Variants in SPTBN5 observed in about 807,000 individuals in gnomAD.
SPTBN5 encodes spectrin beta chain, non-erythrocytic 5.
Under a neutral mutation model 477.6 loss-of-function variants are expected in SPTBN5, and 513 were observed. The observed-to-expected ratio is 1.07, with a 90% CI of 1.00 to 1.16. SPTBN5 has a LOEUF of 1.16. Ranked by LOEUF, SPTBN5 falls within the 50% of genes most tolerant of loss-of-function variation. The probability of loss-of-function intolerance (pLI) is 0.00; values close to 1 mark genes in which losing one functional copy is unlikely to be tolerated. For missense variants in SPTBN5, 5,062 were observed against 4,731.8 expected (o/e 1.07, Z -2.05); for synonymous variants, 2,169 against 2,011.7 (o/e 1.08, Z -2.09).
chr15:41,849,861 T>C lies in SPTBN5; in HGVS notation c.11012+8A>G, dbSNP rs567368483. On this transcript the variant is annotated splice_region_variant and intron_variant, in intron 67 of 67. Transcript: ENST00000320955. The stretch of plus-strand genomic sequence containing the variant: ...CCCCGCCCTGCTTCCCCCACCCAGG[T>C]GTCCCACCTGAGTAGACATCCAGGC... The C allele has an allele frequency of 5.8e-6, 9 of 1,563,042 alleles. No homozygotes were observed. The African/African-American group carries it at 1.2e-4, about 21-fold the overall frequency.
In SPTBN5 at chr15:41,857,042, G is replaced by A. The variant is rs1322120472; in HGVS notation, c.8622-3C>T. 1 of 1,599,640 alleles carries A rather than the reference G, an allele frequency of 6.3e-7. No homozygotes were observed. The highest frequency in any genetic ancestry group is 1.1e-5 in the South Asian group (1 of 88,672). On this transcript the variant is annotated splice_polypyrimidine_tract_variant and splice_region_variant and intron_variant, in intron 51 of 67. Coordinates refer to ENST00000320955, the MANE Select transcript of SPTBN5 (RefSeq NM_016642.4). ...GGGGCTCCCTCAGGCTCTTGAACCT[G>A]CAGCGGTGGAGGGTGGGACCAAGGG...
At position 41,856,841 on chromosome 15, in the gene SPTBN5, G is replaced by C. The variant is rs769034353; in HGVS notation, c.8808+12C>G. ...CATGTGCGAGGCCAGCCCTCCCCGG[G>C]TGGGCCCACACCTGGTGCTGCTCCT... On this transcript the variant is annotated intron_variant, in intron 52 of 67. Coordinates refer to ENST00000320955, the MANE Select transcript of SPTBN5 (RefSeq NM_016642.4). 1.6e-4 allele frequency: 242 copies of C among 1,537,250 alleles called. No homozygotes were observed. Among genetic ancestry groups the C allele is most frequent in the South Asian group, 2.4e-4 (20 of 83,814 alleles).
At position 41,867,027 on chromosome 15, in the gene SPTBN5, C is replaced by T. The variant is rs1318265278; in HGVS notation, c.6412G>A (p.Ala2138Thr). Residue 2138 changes from alanine (A) to threonine (T), a missense_variant, in exon 36 of 68, where the codon GCG becomes ACG. Ala to Thr is a moderately conservative substitution (Grantham distance 58, BLOSUM62 0). Coordinates refer to ENST00000320955, the MANE Select transcript of SPTBN5 (RefSeq NM_016642.4). Reference protein sequence around the residue: ...LQRRMRVKELAESRGHALHAS... With the variant: ...LQRRMRVKELTESRGHALHAS... ...TGCAGGGCGTGTCCCCGGCTCTCCG[C>T]CAGCTCCTTCACTCTCATCCGGCGC... The T allele has an allele frequency of 4.5e-6, 7 of 1,555,978 alleles. No homozygotes were observed. The highest frequency in any genetic ancestry group is 6.1e-6 in the Non-Finnish European group (7 of 1,150,450).
rs776577843 is a variant in SPTBN5 at position 41,854,762 on chromosome 15, C to A, written c.9618+20G>T. On this transcript the variant is annotated intron_variant, in intron 56 of 67. Coordinates refer to ENST00000320955, the MANE Select transcript of SPTBN5 (RefSeq NM_016642.4). ...AAGACTCTGACACCCCTTAGCTTGG[C>A]CCGGCCTGTGATCACCTACCTCTGT... 2 of 1,482,996 alleles carry A rather than the reference C, an allele frequency of 1.3e-6. No individual in the cohort carries two copies. Among genetic ancestry groups the A allele is most frequent in the Middle Eastern group, 1.9e-4 (1 of 5,396 alleles). The allele number at this position is 1,482,996 out of a possible 1,614,324, so 91.9% of individuals were successfully genotyped here.
chr15:41,861,058 CCT>C (rs1207866611), intron 46 of SPTBN5, among the ~76,000 whole-genome samples: 10 of 152,254 alleles, frequency 6.6e-5, no homozygotes, highest in Non-Finnish European at 5.9e-5. Context: ...CCCCAGTTAT[CCT>C]CTGAGGTCTC....
At position 41,875,594 on chromosome 15, in the gene SPTBN5, G is replaced by A. The variant is rs763583308; in HGVS notation, c.4151C>T (p.Pro1384Leu). Reference protein sequence around the residue: ...QVGRELLSRRPCGQEDIQTRL... With the variant: ...QVGRELLSRRLCGQEDIQTRL... ...GGTCTGTATGTCCTCCTGGCCACAG[G>A]GCCTCCTACTCAACAGCTCTCTCCC... The change falls in exon 22 of 68, where the codon CCC (proline) becomes CTC (leucine). Residue 1384 changes from proline to leucine, a missense_variant. Transcript: ENST00000320955. 1.0e-5 allele frequency: 16 copies of A among 1,599,376 alleles called. No homozygotes were observed. The highest frequency in any genetic ancestry group is 1.4e-5 in the Non-Finnish European group (16 of 1,173,100).
At chr15:41,873,683 T>G in intron 25 of SPTBN5, 75 bp from the exon 26 acceptor site, 1 of 1,456,710 alleles carries the variant, frequency 6.9e-7, no homozygotes. Context: ...CATCTGCCCC[T>G]GCTCTCCAGC....
Position 41,876,599 on chromosome 15 carries a change from C to T in SPTBN5, c.3900G>A (p.Gln1300=). 1.3e-6 allele frequency: 2 copies of T among 1,594,542 alleles called. No individual in the cohort carries two copies. The highest frequency in any genetic ancestry group is 1.4e-5 in the African/African-American group (1 of 72,750). The change falls in exon 20 of 68, where the codon CAG becomes CAA. Residue 1300 remains glutamine, a synonymous_variant. Coordinates refer to ENST00000320955, the MANE Select transcript of SPTBN5 (RefSeq NM_016642.4). ...GCCTCCTCCTCTGCTCACTCCTCCC[C>T]TGGAGCCTGGTCCACTGTGCCTGGA... ...QSIQAQWTRL[Q]GRSEQRRRQL... is the part of the protein sequence containing the mutation.
Position 41,851,814 on chromosome 15 carries a change from C to G in SPTBN5, c.10621G>C (p.Glu3541Gln). The G allele has an allele frequency of 1.2e-6, 2 of 1,610,946 alleles. No homozygotes were observed. The highest frequency in any genetic ancestry group is 1.7e-6 in the Non-Finnish European group (2 of 1,179,608). Residue 3541 changes from glutamate (E) to glutamine (Q), a missense_variant, in exon 63 of 68, where the codon GAG becomes CAG. Physicochemically the swap from Glu to Gln is conservative, Grantham distance 29. Coordinates refer to ENST00000320955, the MANE Select transcript of SPTBN5 (RefSeq NM_016642.4). ...CCAGGCAGCAGGTGCTGCTTGAACT[C>G]CAAAGACCCCTCCATGGTGGGGGTA... is the stretch of plus-strand genomic sequence containing the variant. ...KGTPTMEGSLEFKQHLLPGGR... is the reference protein window; with the variant it reads ...KGTPTMEGSLQFKQHLLPGGR...
chr15:41,871,991 G>A (rs2066557609), intron 27 of SPTBN5, 74 bp from the exon 28 acceptor site: 4 of 1,442,282 alleles, frequency 2.8e-6, no homozygotes, highest in Non-Finnish European at 3.7e-6. Flanking sequence ...CAGCCAGAGG[G>A]GCCAATCTGA....
Position 41,852,706 on chromosome 15 carries a change from C to T in SPTBN5, c.10377G>A (p.Leu3459=). 1 of 1,613,420 alleles carries T rather than the reference C, an allele frequency of 6.2e-7. No individual in the cohort carries two copies. The highest frequency in any genetic ancestry group is 8.5e-7 in the Non-Finnish European group (1 of 1,179,874). The change falls in exon 61 of 68, where the codon CTG becomes CTA. Residue 3459 remains leucine (L), a synonymous_variant. Coordinates refer to ENST00000320955, the MANE Select transcript of SPTBN5 (RefSeq NM_016642.4). ...GHSVSDVELL[L]HRHQDLEKLL... ...GCTTTTCTAAGTCCTGGTGTCTGTG[C>T]AGCAGCAACTCCACATCTGACACTG... is the stretch of plus-strand genomic sequence containing the variant.
chr15:41,884,973 C>T (rs903442440), intron 7 of SPTBN5, among the ~76,000 whole-genome samples: 1 of 152,228 alleles, frequency 6.6e-6, no homozygotes, highest in African/African-American at 2.4e-5. Context: ...CCCAGTGAAT[C>T]CCCTCTAGCC....
chr15:41,848,512 A>G lies in SPTBN5; in HGVS notation c.*104T>C. 1 of 1,385,782 alleles carries G rather than the reference A, an allele frequency of 7.2e-7. No individual in the cohort carries two copies. The highest frequency in any genetic ancestry group is 1.2e-5 in the South Asian group (1 of 86,494). The allele number at this position is 1,385,782 out of a possible 1,614,324, so 85.8% of individuals were successfully genotyped here. A position where few individuals can be genotyped will look rare whatever the true frequency, so the allele number is the denominator to read the frequency against. On this transcript the variant is annotated 3_prime_UTR_variant, in exon 68 of 68. Transcript: ENST00000320955. Reference sequence around the variant, plus strand: ...TGGGCCTGGGGAACTGGGTTGAAGCAGCCACGGGAAGGAGCCCTTTTGCCT... The same window carrying G: ...TGGGCCTGGGGAACTGGGTTGAAGCGGCCACGGGAAGGAGCCCTTTTGCCT...
intron 62 of SPTBN5, 67 bp downstream of exon 62, chr15:41,852,115 C>T: frequency 6.6e-7 from 1 of 1,513,286 alleles, no homozygotes; most frequent in Non-Finnish European, 8.9e-7. Context: ...CCCCCACAGC[C>T]CCAGCCCCAC....
intron 39 of SPTBN5, among the ~76,000 whole-genome samples, chr15:41,865,125 A>G (rs1286669158): frequency 6.6e-6 from 1 of 152,220 alleles, no homozygotes; most frequent in Non-Finnish European, 1.5e-5. Context: ...CCGGGGGACA[A>G]GGTTAGCACA....
intron 66 of SPTBN5, 38 bp downstream of exon 66, chr15:41,850,816 G>A (rs375048165): frequency 6.5e-7 from 1 of 1,537,850 alleles, no homozygotes; most frequent in Non-Finnish European, 8.8e-7. Flanking sequence ...GGCCCAGGGA[G>A]TCGGCCGCCC....
At chr15:41,873,787 C>A in intron 25 of SPTBN5, 58 bp downstream of exon 25, 2 of 1,587,468 alleles carry the variant, frequency 1.3e-6, no homozygotes, top group South Asian at 2.2e-5. Context: ...CCACAGGTGG[C>A]CCCTCAAGGA....
At position 41,851,058 on chromosome 15, in the gene SPTBN5, C is replaced by T. The variant is rs2065741521; in HGVS notation, c.10835+1G>A. The T allele has an allele frequency of 1.2e-6, 2 of 1,611,472 alleles. No homozygotes were observed. Among genetic ancestry groups the T allele is most frequent in the African/African-American group, 2.7e-5 (2 of 75,038 alleles). On this transcript the variant is annotated splice_donor_variant, in intron 65 of 67. Coordinates refer to ENST00000320955, the MANE Select transcript of SPTBN5 (RefSeq NM_016642.4). LOFTEE classifies it high-confidence loss of function. Reference sequence around the variant, plus strand: ...GCCGGAGTCCATGTCTCTCCGCTCACCTTAAGGAGAATGTGTGTTTCCTGC... The same window carrying T: ...GCCGGAGTCCATGTCTCTCCGCTCATCTTAAGGAGAATGTGTGTTTCCTGC...
intron 4 of SPTBN5, among the ~76,000 whole-genome samples, chr15:41,889,293 T>A (rs1000610895): frequency 1.3e-5 from 2 of 152,262 alleles, no homozygotes; most frequent in African/African-American, 4.8e-5. Context: ...CCTGGACTTC[T>A]GCCAGATCTC....
Sources: gnomAD v4.1 joint callset for allele counts (sites outside exome capture counted in the v4.1 genomes callset) on GRCh38, gnomAD v4.1.1 for gene constraint, MANE v1.5 for transcripts, NCBI Gene and HGNC (gene_info 2026-07-23, HGNC 2026-07-21) for gene names.